HLCS: variants seen among roughly 807,000 people sequenced by gnomAD.
The protein encoded by HLCS is holocarboxylase synthetase, also known as biotin--protein ligase.
In HLCS, 53 loss-of-function variants were observed where a neutral mutation model predicts 75.0. That is an observed-to-expected ratio of 0.71 (90% CI 0.57 to 0.89). The LOEUF (loss-of-function observed/expected upper bound fraction) is 0.89, where lower values mean the gene tolerates loss of function less well. Among genes scored for constraint, HLCS ranks in the 40% least tolerant of loss-of-function variants. HLCS has a pLI of 0.00. For synonymous variants in HLCS, 431 were observed against 428.6 expected, an observed-to-expected ratio of 1.01 and a Z score of -0.07; for missense variants, 966 against 1,074.0, an observed-to-expected ratio of 0.90 and a Z score of 1.41.
At chr21:36,980,567 T>TC (rs1256922799) in intron 1 of HLCS, 2 of 152,006 alleles carry the variant, frequency 1.3e-5, no homozygotes, top group African/African-American at 4.8e-5. Context: ...CGGGCCTGAG[T>TC]CCCCCGTGGA....
intron 6 of HLCS, among the ~76,000 whole-genome samples, chr21:36,870,941 C>T (rs2063748202): frequency 6.6e-6 from 1 of 152,180 alleles, no homozygotes; most frequent in Non-Finnish European, 1.5e-5. Flanking sequence ...CTTAGAGAGG[C>T]TCTTTTGAGC....
intron 1 of HLCS, among the ~76,000 whole-genome samples, chr21:36,978,702 G>A (rs2069011794): frequency 6.6e-6 from 1 of 152,156 alleles, no homozygotes; most frequent in South Asian, 2.1e-4. Flanking sequence ...CAGGACTGAA[G>A]GGTCGGGAGA....
At chr21:36,934,585 G>A (rs1235376406) in intron 4 of HLCS, among the ~76,000 whole-genome samples, 1 of 152,144 alleles carries the variant, frequency 6.6e-6, no homozygotes, top group African/African-American at 2.4e-5. Context: ...TCAGTACAGC[G>A]AGCATACAAA....
In HLCS at chr21:36,930,254, C is replaced by T. The variant is rs111603166; in HGVS notation, c.1617G>A (p.Ala539=). ...CCCAGCTGAGCCCACAACTCACCTC[C>T]GCAGCTGACAGCAAGTAAAGAGGAG... ...ALTPLYLLSA[A]EEIRDPLMQW... Residue 539 remains alanine, a synonymous_variant, in exon 5 of 11, where the codon GCG becomes GCA. Transcript: ENST00000674895. 2.8e-4 allele frequency: 452 copies of T among 1,614,064 alleles called. 2 individuals are homozygous for T. The African/African-American group carries it at 5.2e-3, about 19-fold the overall frequency.
chr21:36,869,384 G>A (rs971789158), intron 6 of HLCS, among the ~76,000 whole-genome samples: 2 of 152,096 alleles, frequency 1.3e-5, no homozygotes, highest in Non-Finnish European at 2.9e-5. Context: ...CGCCCACCTC[G>A]GCCTCCCAAA....
At chr21:36,829,519 T>C (rs921464386) in intron 6 of HLCS, among the ~76,000 whole-genome samples, 1 of 152,220 alleles carries the variant, frequency 6.6e-6, no homozygotes, top group East Asian at 1.9e-4. Flanking sequence ...CTATAAATAT[T>C]GTCATATTAC....
At chr21:36,964,856 A>G (rs1159005697) in intron 1 of HLCS, among the ~76,000 whole-genome samples, 2 of 152,240 alleles carry the variant, frequency 1.3e-5, no homozygotes, top group Non-Finnish European at 2.9e-5. Flanking sequence ...TCCTAAATGT[A>G]ATTGATCCAA....
chr21:36,860,667 C>A (rs2063353759), intron 6 of HLCS, among the ~76,000 whole-genome samples: 1 of 152,188 alleles, frequency 6.6e-6, no homozygotes, highest in Non-Finnish European at 1.5e-5. Flanking sequence ...AAAATTATTT[C>A]TCTTAGAAAT....
chr21:36,890,007 T>C (rs906178412), intron 6 of HLCS, among the ~76,000 whole-genome samples: 1 of 152,144 alleles, frequency 6.6e-6, no homozygotes, highest in African/African-American at 2.4e-5. Context: ...GTTTCTCCCA[T>C]GCTGTCCTTG....
At position 36,822,140 on chromosome 21, in the gene HLCS, G is replaced by A. The variant is rs1008567543; in HGVS notation, c.1893-54855C>T. On this transcript the variant is annotated intron_variant, in intron 6 of 10. Transcript: ENST00000674895. ...ATAAGGTGACAAAAGGTCACTCCTCGGCGAGGTGCAGTGGCTCACACCTGT... is the reference window on the plus strand; with the variant it reads ...ATAAGGTGACAAAAGGTCACTCCTCAGCGAGGTGCAGTGGCTCACACCTGT... 3.9e-5 allele frequency among the ~76,000 whole-genome samples: 6 copies of A among 152,288 alleles called. No individual in the cohort carries two copies. The South Asian group carries it at 1.0e-3, about 26-fold the overall frequency.
In HLCS at chr21:36,752,098, G is replaced by T. The variant is rs1407808666; in HGVS notation, c.*2148C>A. 6.6e-6 allele frequency: 1 copy of T among 152,636 alleles called. No individual in the cohort carries two copies. The highest frequency in any genetic ancestry group is 6.5e-5 in the Admixed American group (1 of 15,284). The allele number at this position is 152,636 out of a possible 1,614,324, so 9.5% of individuals were successfully genotyped here. Reference sequence around the variant, plus strand: ...GCTAATTCTATAGAAGCGGAGTTTTGAGAGTCTTTGGTTCATGTGAGGCAA... The same window carrying T: ...GCTAATTCTATAGAAGCGGAGTTTTTAGAGTCTTTGGTTCATGTGAGGCAA... On this transcript the variant is annotated 3_prime_UTR_variant, in exon 11 of 11. Transcript: ENST00000674895.
At chr21:36,946,590 T>G (rs2067407944) in intron 2 of HLCS, among the ~76,000 whole-genome samples, 1 of 151,372 alleles carries the variant, frequency 6.6e-6, no homozygotes, top group Non-Finnish European at 1.5e-5. Flanking sequence ...CTTCTCAGAG[T>G]GAACGTGAAT....
intron 6 of HLCS, among the ~76,000 whole-genome samples, chr21:36,840,620 A>AT (rs1305640061): frequency 6.6e-6 from 1 of 151,962 alleles, no homozygotes; most frequent in Non-Finnish European, 1.5e-5. Context: ...CAATTAATTA[A>AT]TTTTTTTGAG....
chr21:36,966,299 C>T (rs2068574049), intron 1 of HLCS, 145 bp downstream of exon 1: 1 of 240,690 alleles, frequency 4.2e-6, no homozygotes, highest in Non-Finnish European at 6.7e-6. Context: ...CCCGGGGCAA[C>T]AGCCCCTCCC....
rs543115180 is a variant in HLCS, at chr21:36,958,844, T to G, written c.330+3192A>C. 1.4e-3 allele frequency among the ~76,000 whole-genome samples: 213 copies of G among 152,362 alleles called. 2 individuals carry two copies. Among genetic ancestry groups the G allele is most frequent in the Non-Finnish European group, 8.4e-4 (57 of 68,036 alleles). ...CACTTAGCAATGATATTCCTATCAC[T>G]TTAGGAATGTCATTTAATCTTATAA... is the stretch of plus-strand genomic sequence containing the variant. On this transcript the variant is annotated intron_variant, in intron 2 of 10. Transcript: ENST00000674895.
chr21:36,927,021 C>A (rs2066438785), intron 5 of HLCS, among the ~76,000 whole-genome samples: 1 of 152,224 alleles, frequency 6.6e-6, no homozygotes, highest in African/African-American at 2.4e-5. Context: ...ATTGGGATTA[C>A]AGGCTTGAGC....
intron 6 of HLCS, among the ~76,000 whole-genome samples, chr21:36,855,031 T>C (rs938068665): frequency 6.6e-6 from 1 of 151,934 alleles, no homozygotes; most frequent in African/African-American, 2.4e-5. Context: ...GGCTACACTA[T>C]TCATAGTGTC....
intron 6 of HLCS, among the ~76,000 whole-genome samples, chr21:36,856,542 C>T (rs2063199758): frequency 6.6e-6 from 1 of 152,144 alleles, no homozygotes; most frequent in African/African-American, 2.4e-5. Flanking sequence ...AAATAACACA[C>T]ACCACCGCCA....
At chr21:36,930,478 G>A (rs762274436) in intron 4 of HLCS, 45 bp from the exon 5 acceptor site, 3 of 1,450,018 alleles carry the variant, frequency 2.1e-6, no homozygotes, top group South Asian at 1.2e-5. Context: ...GCACTCACAG[G>A]CAATGAGAAA....
Sources: gnomAD v4.1 joint callset for allele counts (sites outside exome capture counted in the v4.1 genomes callset) on GRCh38, gnomAD v4.1.1 for gene constraint, MANE v1.5 for transcripts, NCBI Gene and HGNC (gene_info 2026-07-23, HGNC 2026-07-21) for gene names.